Variants in NME7 observed in about 807,000 individuals in gnomAD.
NME7 encodes NME/NM23 family member 7.
Under a neutral mutation model 49.1 loss-of-function variants are expected in NME7, and 41 were observed. The ratio of observed to expected loss-of-function variants is 0.83; its 90% CI spans 0.65 to 1.08. The LOEUF is 1.08. NME7 is among the 50% of genes least tolerant of loss of function. The pLI is 0.00. For synonymous variants in NME7, 139 were observed against 150.6 expected, an observed-to-expected ratio of 0.92 and a Z score of 0.56; for missense variants, 423 against 463.4, an observed-to-expected ratio of 0.91 and a Z score of 0.80.
chr1:169,143,911 T>A (rs1658679779), intron 11 of NME7, among the ~76,000 whole-genome samples: 1 of 152,180 alleles, frequency 6.6e-6, no homozygotes, highest in Admixed American at 6.5e-5. Flanking sequence ...AACTTTGAGA[T>A]CTAATAAGCT....
intron 3 of NME7, chr1:169,310,561 G>A (rs564742489): frequency 1.3e-5 from 2 of 152,872 alleles, no homozygotes; most frequent in African/African-American, 2.4e-5. Context: ...ATGGGTGACT[G>A]CATGAAGAAT....
At chr1:169,325,559 C>T (rs1557822717) in intron 1 of NME7, among the ~76,000 whole-genome samples, 1 of 151,876 alleles carries the variant, frequency 6.6e-6, no homozygotes, top group Admixed American at 6.6e-5. Flanking sequence ...TAAAAATACC[C>T]TCGCCCCAAA....
chr1:169,341,549 C>T (rs573396680), intron 1 of NME7, among the ~76,000 whole-genome samples: 1 of 152,280 alleles, frequency 6.6e-6, no homozygotes, highest in South Asian at 2.1e-4. Context: ...GGCCAATGTC[C>T]TCCAGACCCC....
intron 1 of NME7, among the ~76,000 whole-genome samples, chr1:169,338,616 G>A (rs1377078948): frequency 6.6e-6 from 1 of 152,136 alleles, no homozygotes. Flanking sequence ...TCACTGCCCA[G>A]TGAAAAAACA....
chr1:169,363,495 G>A (rs1653735827), intron 1 of NME7, among the ~76,000 whole-genome samples: 1 of 152,096 alleles, frequency 6.6e-6, no homozygotes, highest in Admixed American at 6.5e-5. Context: ...ACAAATTTGA[G>A]TAATGAGTCA....
chr1:169,224,629 G>A (rs1399988724), intron 10 of NME7, among the ~76,000 whole-genome samples: 1 of 151,954 alleles, frequency 6.6e-6, no homozygotes, highest in Non-Finnish European at 1.5e-5. Flanking sequence ...AAAAGTCTGG[G>A]GGAAATCCTG....
At chr1:169,241,449 GATA>G (rs1343754846) in intron 7 of NME7, among the ~76,000 whole-genome samples, 1 of 151,602 alleles carries the variant, frequency 6.6e-6, no homozygotes, top group Non-Finnish European at 1.5e-5. Flanking sequence ...TCTCATTAAT[GATA>G]ATAAAAAAAT....
At chr1:169,139,388 A>G (rs1185373419) in intron 11 of NME7, among the ~76,000 whole-genome samples, 3 of 152,214 alleles carry the variant, frequency 2.0e-5, no homozygotes, top group African/African-American at 4.8e-5. Context: ...GCCTAAAGAC[A>G]TATCACTTTG....
At chr1:169,144,966 G>A (rs534892071) in intron 11 of NME7, among the ~76,000 whole-genome samples, 1 of 152,230 alleles carries the variant, frequency 6.6e-6, no homozygotes, top group South Asian at 2.1e-4. Context: ...ACAAACTGAA[G>A]GCAATACTCA....
intron 10 of NME7, among the ~76,000 whole-genome samples, chr1:169,222,940 A>G (rs974810266): frequency 8.5e-5 from 13 of 152,136 alleles, no homozygotes; most frequent in African/African-American, 2.9e-4. Context: ...CTCCTATATA[A>G]CCACAATACA....
chr1:169,157,418 T>C (rs1404421104), intron 11 of NME7, among the ~76,000 whole-genome samples: 1 of 152,182 alleles, frequency 6.6e-6, no homozygotes, highest in Non-Finnish European at 1.5e-5. Flanking sequence ...AGTGCAGATT[T>C]GATGAACCTG....
chr1:169,168,450 T>C (rs914668455), intron 11 of NME7, among the ~76,000 whole-genome samples: 6 of 152,126 alleles, frequency 3.9e-5, no homozygotes, highest in Admixed American at 6.5e-5. Context: ...AGGCAAAGTC[T>C]CGCTATGATG....
chr1:169,360,805 A>G (rs761003969), intron 1 of NME7, among the ~76,000 whole-genome samples: 2 of 152,172 alleles, frequency 1.3e-5, no homozygotes, highest in Non-Finnish European at 2.9e-5. Flanking sequence ...AATTTTCCTC[A>G]TAGTACTTAT....
At chr1:169,211,269 G>T (rs1008184784) in intron 10 of NME7, among the ~76,000 whole-genome samples, 2 of 152,078 alleles carry the variant, frequency 1.3e-5, no homozygotes, top group African/African-American at 4.8e-5. Flanking sequence ...TAAAAATGCT[G>T]TTTAAATGGT....
intron 1 of NME7, among the ~76,000 whole-genome samples, chr1:169,355,042 G>T (rs563132472): frequency 2.3e-4 from 14 of 60,588 alleles, no homozygotes; most frequent in East Asian, 2.7e-3. Context: ...ATATATTATA[G>T]ATATAATATA....
At chr1:169,157,753 G>C (rs1224750120) in intron 11 of NME7, among the ~76,000 whole-genome samples, 1 of 152,204 alleles carries the variant, frequency 6.6e-6, no homozygotes, top group African/African-American at 2.4e-5. Flanking sequence ...CCAACTGTCA[G>C]TTAAGTCCTG....
At chr1:169,354,139 A>C (rs2101979266) in intron 1 of NME7, among the ~76,000 whole-genome samples, 1 of 152,316 alleles carries the variant, frequency 6.6e-6, no homozygotes, top group Non-Finnish European at 1.5e-5. Flanking sequence ...AAAATTTGGA[A>C]GCAACCTAAG....
intron 11 of NME7, among the ~76,000 whole-genome samples, chr1:169,139,365 G>T (rs1658525663): frequency 6.6e-6 from 1 of 152,098 alleles, no homozygotes; most frequent in Non-Finnish European, 1.5e-5. Context: ...CAAGTTTTTT[G>T]AGCTAATAAT....
At chr1:169,226,112 T>C (rs934048553) in intron 10 of NME7, among the ~76,000 whole-genome samples, 1 of 152,172 alleles carries the variant, frequency 6.6e-6, no homozygotes, top group Non-Finnish European at 1.5e-5. Context: ...AAGCACTAAT[T>C]ATATTTGCAC....
Sources: allele counts gnomAD v4.1 joint callset (sites outside exome capture counted in the v4.1 genomes callset), GRCh38; gene constraint gnomAD v4.1.1; transcripts MANE v1.5; gene names NCBI Gene and HGNC (gene_info 2026-07-23, HGNC 2026-07-21).